The following FHIP1A variants were observed in gnomAD, a reference collection of about 807,000 sequenced individuals.
FHIP1A encodes the protein FHF complex subunit HOOK-interacting protein 1A.
FHIP1A carries 61 observed loss-of-function variants against 88.6 expected under a neutral mutation model. The observed-to-expected ratio is 0.69, with a 90% CI of 0.56 to 0.85. FHIP1A has a LOEUF of 0.85. Among genes scored for constraint, FHIP1A ranks in the 40% least tolerant of loss-of-function variants. The pLI, the probability that FHIP1A is intolerant of heterozygous loss-of-function variation, is 0.00. For synonymous variants in FHIP1A, 478 were observed against 496.0 expected, an observed-to-expected ratio of 0.96 and a Z score of 0.48; for missense variants, 1,154 against 1,273.5, an observed-to-expected ratio of 0.91 and a Z score of 1.43.
intron 7 of FHIP1A, among the ~76,000 whole-genome samples, chr4:151,614,362 G>A (rs1198868654): frequency 1.3e-5 from 2 of 151,856 alleles, no homozygotes; most frequent in East Asian, 1.9e-4. Flanking sequence ...CCAGCTACTC[G>A]GGAGGCTGAC....
At chr4:151,411,008 A>C (rs1403064334) in intron 1 of FHIP1A, among the ~76,000 whole-genome samples, 2 of 152,226 alleles carry the variant, frequency 1.3e-5, no homozygotes, top group African/African-American at 2.4e-5. Context: ...TCAGAGAGTG[A>C]TTGAGAGTGG....
intron 3 of FHIP1A, among the ~76,000 whole-genome samples, chr4:151,550,373 C>T (rs1486886357): frequency 6.6e-6 from 1 of 152,148 alleles, no homozygotes; most frequent in African/African-American, 2.4e-5. Context: ...CGCACCTCCC[C>T]CCGAACCCCT....
At chr4:151,456,010 T>C (rs11938378) in intron 2 of FHIP1A, among the ~76,000 whole-genome samples, 3,863 of 152,218 alleles carry the variant, frequency 0.025, 176 homozygotes, top group African/African-American at 0.088. Context: ...TTTCCATTAG[T>C]GATAAAAGGA....
chr4:151,608,033 T>C (rs1295908623), intron 7 of FHIP1A, among the ~76,000 whole-genome samples: 1 of 139,266 alleles, frequency 7.2e-6, no homozygotes, highest in Admixed American at 7.3e-5. Context: ...TTTTCTTTCT[T>C]CTTCTTTTTT....
intron 2 of FHIP1A, among the ~76,000 whole-genome samples, chr4:151,480,176 T>C (rs1729842888): frequency 6.6e-6 from 1 of 152,108 alleles, no homozygotes; most frequent in Non-Finnish European, 1.5e-5. Context: ...ATTCTGTGCA[T>C]TACTGTCAAA....
chr4:151,597,501 A>C (rs747945911), intron 7 of FHIP1A, among the ~76,000 whole-genome samples: 13 of 152,212 alleles, frequency 8.5e-5, no homozygotes, highest in Admixed American at 4.6e-4. Flanking sequence ...CAGGAGGCAC[A>C]GGGGTCAGGG....
At chr4:151,635,482 C>T (rs1163179960) in intron 8 of FHIP1A, among the ~76,000 whole-genome samples, 3 of 151,664 alleles carry the variant, frequency 2.0e-5, no homozygotes, top group Non-Finnish European at 4.4e-5. Context: ...CTAGATTGTC[C>T]ATTGATGGAT....
intron 3 of FHIP1A, among the ~76,000 whole-genome samples, chr4:151,543,045 C>T (rs940469627): frequency 1.3e-5 from 2 of 152,136 alleles, no homozygotes; most frequent in African/African-American, 2.4e-5. Context: ...TTATGTATTG[C>T]TACTATGTGT....
intron 4 of FHIP1A, among the ~76,000 whole-genome samples, chr4:151,571,676 C>G (rs1163982138): frequency 6.6e-6 from 1 of 152,108 alleles, no homozygotes; most frequent in African/African-American, 2.4e-5. Flanking sequence ...GACTAAATGA[C>G]AGAGAAAAAT....
intron 2 of FHIP1A, among the ~76,000 whole-genome samples, chr4:151,472,342 C>G (rs960976932): frequency 6.6e-5 from 10 of 151,732 alleles, no homozygotes; most frequent in Non-Finnish European, 1.3e-4. Flanking sequence ...ATAAAATTCA[C>G]ATAATACAAA....
intron 1 of FHIP1A, among the ~76,000 whole-genome samples, chr4:151,416,270 A>G (rs973190367): frequency 2.0e-5 from 3 of 152,206 alleles, no homozygotes; most frequent in African/African-American, 7.2e-5. Flanking sequence ...AAAAGAGTTG[A>G]TTAATATTTT....
intron 3 of FHIP1A, among the ~76,000 whole-genome samples, chr4:151,550,685 A>G (rs537313108): frequency 1.4e-4 from 22 of 152,190 alleles, no homozygotes; most frequent in African/African-American, 4.8e-4. Flanking sequence ...CCCTCTCTCT[A>G]AGTGTCTTTA....
intron 1 of FHIP1A, among the ~76,000 whole-genome samples, chr4:151,436,742 T>C (rs1225115831): frequency 6.6e-6 from 1 of 152,196 alleles, no homozygotes; most frequent in African/African-American, 2.4e-5. Context: ...TGTAGAATCA[T>C]ATGAATATCA....
intron 2 of FHIP1A, among the ~76,000 whole-genome samples, chr4:151,466,864 A>G (rs1253404744): frequency 6.6e-6 from 1 of 152,232 alleles, no homozygotes; most frequent in Non-Finnish European, 1.5e-5. Flanking sequence ...GTAAAACCCA[A>G]AACCATAAAA....
intron 2 of FHIP1A, among the ~76,000 whole-genome samples, chr4:151,471,249 G>C (rs946931400): frequency 1.4e-5 from 2 of 146,574 alleles, no homozygotes; most frequent in South Asian, 4.3e-4. Context: ...TTTCCTCAAA[G>C]TTCCTTTTAA....
intron 3 of FHIP1A, among the ~76,000 whole-genome samples, chr4:151,539,545 CAG>C (rs1732194828): frequency 7.7e-6 from 1 of 129,646 alleles, no homozygotes; most frequent in African/African-American, 3.0e-5. Flanking sequence ...GCCTGGGTGG[CAG>C]AGGGAGACTC....
At chr4:151,596,179 T>C (rs1578797625) in intron 7 of FHIP1A, among the ~76,000 whole-genome samples, 1 of 152,212 alleles carries the variant, frequency 6.6e-6, no homozygotes, top group Non-Finnish European at 1.5e-5. Context: ...TTCTTTCTTA[T>C]GTTTAGTGCT....
intron 4 of FHIP1A, among the ~76,000 whole-genome samples, chr4:151,569,552 T>TA (rs368591720): frequency 6.2e-4 from 90 of 144,396 alleles, no homozygotes; most frequent in Admixed American, 1.2e-3. Flanking sequence ...ACAATGTCTT[T>TA]AAAAAAAAAA....
At chr4:151,426,822 T>C (rs945475820) in intron 1 of FHIP1A, among the ~76,000 whole-genome samples, 4 of 152,186 alleles carry the variant, frequency 2.6e-5, no homozygotes, top group African/African-American at 7.2e-5. Context: ...AGGCTTAAGA[T>C]TTTAATTCCT....
Sources: gnomAD v4.1 joint callset for allele counts (sites outside exome capture counted in the v4.1 genomes callset) on GRCh38, gnomAD v4.1.1 for gene constraint, MANE v1.5 for transcripts, NCBI Gene and HGNC (gene_info 2026-07-23, HGNC 2026-07-21) for gene names.